Variants in MAMLD1 observed in about 807,000 individuals in gnomAD.
MAMLD1 encodes the protein mastermind-like domain-containing protein 1.
Under a neutral mutation model 45.0 loss-of-function variants are expected in MAMLD1, and 14 were observed. The ratio of observed to expected loss-of-function variants is 0.31; its 90% CI spans 0.21 to 0.49. The LOEUF is 0.49. MAMLD1 is among the 20% of genes least tolerant of loss of function. The pLI is 0.99. For missense variants in MAMLD1, 543 were observed against 603.6 expected (o/e 0.90, Z 1.05); for synonymous variants, 254 against 247.8 (o/e 1.02, Z -0.24).
intron 6 of MAMLD1, among the ~76,000 whole-genome samples, chrX:150,505,941 C>T (rs1335830052): frequency 3.5e-5 from 4 of 112,708 alleles, no homozygotes; most frequent in Non-Finnish European, 3.8e-5. Flanking sequence ...CCACGGGTCT[C>T]AGGGGGCTCC....
intron 1 of MAMLD1, among the ~76,000 whole-genome samples, chrX:150,437,260 C>T (rs914111258): frequency 2.7e-5 from 3 of 111,539 alleles, no homozygotes; most frequent in Non-Finnish European, 5.7e-5. Flanking sequence ...GGGTGGGTGC[C>T]GGTAGGTGCA....
chrX:150,377,672 C>G lies in MAMLD1; in HGVS notation c.-64+14142C>G, dbSNP rs374508559. 5.4e-5 allele frequency among the ~76,000 whole-genome samples: 6 copies of G among 111,380 alleles called. No individual in the cohort carries two copies. In the East Asian group the frequency reaches 1.7e-3, roughly 31 times the overall value. ...TAGGAGATTAATTGATCACTTCTAA[C>G]TCTTTTTTTAATTTAATTTTTCACT... On this transcript the variant is annotated intron_variant, in intron 1 of 7. Coordinates refer to ENST00000370401, the MANE Select transcript of MAMLD1 (RefSeq NM_005491.5).
intron 1 of MAMLD1, among the ~76,000 whole-genome samples, chrX:150,370,223 A>G (rs1328561485): frequency 9.1e-6 from 1 of 110,199 alleles, no homozygotes; most frequent in Non-Finnish European, 1.9e-5. Flanking sequence ...TCACAACGCC[A>G]CCGAGGGGTA....
chrX:150,447,782 G>T (rs1268587967), intron 2 of MAMLD1, among the ~76,000 whole-genome samples: 1 of 111,198 alleles, frequency 9.0e-6, no homozygotes. Context: ...TCCCTTGTTT[G>T]CTCTCCTTCT....
intron 5 of MAMLD1, among the ~76,000 whole-genome samples, chrX:150,498,173 T>A (rs782629531): frequency 9.0e-6 from 1 of 111,450 alleles, no homozygotes; most frequent in African/African-American, 3.3e-5. Context: ...TAGAACAGCA[T>A]GTCCAGTTTT....
intron 2 of MAMLD1, among the ~76,000 whole-genome samples, chrX:150,448,101 G>A (rs1470117768): frequency 6.2e-5 from 7 of 112,307 alleles, no homozygotes; most frequent in Admixed American, 2.8e-4. Context: ...TGCATCTCAC[G>A]TAACAGTTGT....
chrX:150,398,252 GAGAAGAAGAAGAAGAAGAAGA>G (rs1221742768), intron 1 of MAMLD1, among the ~76,000 whole-genome samples: 473 of 40,658 alleles, frequency 0.012, 2 homozygotes, highest in South Asian at 0.016. Flanking sequence ...GGAGGAGAAG[GAGAAGAAGAAGAAGAAGAAGA>G]AGAAGAAGAA....
chrX:150,487,096 C>G, intron 5 of MAMLD1, among the ~76,000 whole-genome samples: 1 of 111,761 alleles, frequency 8.9e-6, no homozygotes, highest in Middle Eastern at 4.6e-3. Flanking sequence ...GGGGCTGCTG[C>G]TGCTGCTGCT....
chrX:150,413,299 T>C (rs920804567), intron 1 of MAMLD1, among the ~76,000 whole-genome samples: 2 of 110,965 alleles, frequency 1.8e-5, no homozygotes, highest in African/African-American at 6.6e-5. Flanking sequence ...TCTGTGTAAG[T>C]GTCATATGGT....
At chrX:150,368,838 T>C (rs2031734988) in intron 1 of MAMLD1, among the ~76,000 whole-genome samples, 1 of 112,436 alleles carries the variant, frequency 8.9e-6, no homozygotes, top group African/African-American at 3.2e-5. Context: ...CCATTTCTTG[T>C]TTTTGTCAGG....
rs782800276 is a variant in MAMLD1 at position 150,471,475 on chromosome X, T to A, written c.1902T>A (p.Pro634=). The A allele has an allele frequency of 8.3e-7, 1 of 1,211,016 alleles. No individual in the cohort carries two copies. The highest frequency in any genetic ancestry group is 1.8e-5 in the South Asian group (1 of 56,995). The part of the protein sequence containing the change: ...FQRSVASDSM[P]ALPRQGCCHL... The stretch of plus-strand genomic sequence containing the variant: ...GATCAGTGGCCTCAGATTCCATGCC[T>A]GCTCTGCCCAGACAGGTAAGACAAT... Residue 634 remains proline, a synonymous_variant, in exon 4 of 8, where the codon CCT becomes CCA. Transcript: ENST00000370401.
chrX:150,421,312 C>G lies in MAMLD1; in HGVS notation c.-63-24142C>G, dbSNP rs782054985. 2.7e-5 allele frequency among the ~76,000 whole-genome samples: 3 copies of G among 112,195 alleles called. 1 individual carries two copies. In the South Asian group the frequency reaches 1.1e-3, roughly 42 times the overall value. ...GCTTCGCTCGCGCACGGTGCACGCA[C>G]CCACTGACCTGCACCCATTGTCTGG... On this transcript the variant is annotated intron_variant, in intron 1 of 7. Transcript: ENST00000370401.
At chrX:150,442,970 T>C (rs1271290353) in intron 1 of MAMLD1, among the ~76,000 whole-genome samples, 2 of 111,860 alleles carry the variant, frequency 1.8e-5, no homozygotes, top group African/African-American at 6.5e-5. Context: ...TTGAAAAATA[T>C]TATGCTACTT....
chrX:150,421,053 A>G, intron 1 of MAMLD1: 1 of 117,560 alleles, frequency 8.5e-6, no homozygotes, highest in Non-Finnish European at 1.8e-5. Flanking sequence ...GCTGCCTTGC[A>G]GTTTGATCTG....
intron 5 of MAMLD1, among the ~76,000 whole-genome samples, chrX:150,487,088 GGCTGCT>G (rs781938024): frequency 4.5e-5 from 5 of 111,205 alleles, no homozygotes; most frequent in African/African-American, 6.5e-5. Context: ...GATTTCCAGG[GGCTGCT>G]GCTGCTGCTG....
intron 5 of MAMLD1, among the ~76,000 whole-genome samples, chrX:150,488,248 CT>C (rs1423299932): frequency 8.9e-6 from 1 of 112,478 alleles, no homozygotes; most frequent in African/African-American, 3.2e-5. Context: ...TTGATTGACA[CT>C]TAGGTGAAGA....
intron 1 of MAMLD1, among the ~76,000 whole-genome samples, chrX:150,364,772 T>C (rs1176354284): frequency 1.8e-5 from 2 of 113,097 alleles, no homozygotes; most frequent in African/African-American, 6.4e-5. Context: ...AAAGTCTCCC[T>C]GAGACCAAGC....
intron 1 of MAMLD1, among the ~76,000 whole-genome samples, chrX:150,412,512 C>T (rs2034148482): frequency 9.0e-6 from 1 of 110,824 alleles, no homozygotes; most frequent in Admixed American, 9.6e-5. Flanking sequence ...CCAGTTCTTC[C>T]ACTGGTCCAG....
At chrX:150,455,787 T>C (rs2035842499) in intron 2 of MAMLD1, among the ~76,000 whole-genome samples, 1 of 108,792 alleles carries the variant, frequency 9.2e-6, no homozygotes, top group Non-Finnish European at 1.9e-5. Context: ...CTTCTTTTTT[T>C]TTTTTTTGTA....
Sources: gnomAD v4.1 joint callset for allele counts (sites outside exome capture counted in the v4.1 genomes callset) on GRCh38, gnomAD v4.1.1 for gene constraint, MANE v1.5 for transcripts, NCBI Gene and HGNC (gene_info 2026-07-23, HGNC 2026-07-21) for gene names.